DIAPH3: variants seen among roughly 807,000 people sequenced by gnomAD.
DIAPH3 encodes the protein diaphanous related formin 3.
A neutral mutation model predicts 144.3 loss-of-function variants in DIAPH3; 117 were observed. The observed-to-expected ratio is 0.81, with a 90% CI of 0.70 to 0.95. The LOEUF (loss-of-function observed/expected upper bound fraction) is 0.95. DIAPH3 is among the 40% of genes least tolerant of loss of function. DIAPH3 has a pLI of 0.00. For synonymous variants in DIAPH3, 519 were observed against 488.9 expected, an observed-to-expected ratio of 1.06 and a Z score of -0.81; for missense variants, 1,421 against 1,412.7, an observed-to-expected ratio of 1.01 and a Z score of -0.09.
intron 5 of DIAPH3, among the ~76,000 whole-genome samples, chr13:60,024,864 T>C (rs918663967): frequency 6.6e-6 from 1 of 152,176 alleles, no homozygotes; most frequent in Non-Finnish European, 1.5e-5. Flanking sequence ...ATCTAGGTAC[T>C]CCCTGATGGA....
intron 4 of DIAPH3, among the ~76,000 whole-genome samples, chr13:60,051,167 G>C (rs534388073): frequency 4.6e-5 from 7 of 151,898 alleles, no homozygotes; most frequent in Non-Finnish European, 8.8e-5. Context: ...CTGTAAAGGG[G>C]AAAAAAGAAC....
At chr13:59,875,829 C>T (rs913895506) in intron 21 of DIAPH3, among the ~76,000 whole-genome samples, 9 of 152,220 alleles carry the variant, frequency 5.9e-5, no homozygotes, top group African/African-American at 2.2e-4. Flanking sequence ...GAAAGCAAAT[C>T]CTTTTCTCTC....
intron 5 of DIAPH3, among the ~76,000 whole-genome samples, chr13:60,023,385 G>A (rs1165345485): frequency 2.0e-5 from 3 of 151,442 alleles, no homozygotes; most frequent in Admixed American, 6.6e-5. Context: ...CATGAAATTC[G>A]CAATTTGGGC....
At chr13:59,869,474 C>A (rs531111861) in intron 21 of DIAPH3, among the ~76,000 whole-genome samples, 1 of 152,254 alleles carries the variant, frequency 6.6e-6, no homozygotes, top group East Asian at 1.9e-4. Flanking sequence ...GTCAGTTACC[C>A]ATATACCGGA....
chr13:59,938,346 G>A (rs1238594164), intron 17 of DIAPH3, among the ~76,000 whole-genome samples: 1 of 152,120 alleles, frequency 6.6e-6, no homozygotes, highest in African/African-American at 2.4e-5. Flanking sequence ...CAGTGGCACA[G>A]GCCTGTAATC....
intron 5 of DIAPH3, among the ~76,000 whole-genome samples, chr13:60,023,850 C>CTTTTTTTTTTTT (rs35707483): frequency 1.5e-5 from 1 of 68,874 alleles, no homozygotes; most frequent in Non-Finnish European, 2.5e-5. Flanking sequence ...ACTATTCAGC[C>CTTTTTTTTTTTT]TTTTTTTTTT....
intron 2 of DIAPH3, among the ~76,000 whole-genome samples, chr13:60,125,771 T>G (rs1295183123): frequency 2.6e-5 from 4 of 152,136 alleles, no homozygotes; most frequent in Admixed American, 6.5e-5. Flanking sequence ...TGTAGATAGA[T>G]CACTCTGATA....
chr13:60,010,821 C>T, intron 7 of DIAPH3, 152 bp from the exon 8 acceptor site: 1 of 779,072 alleles, frequency 1.3e-6, no homozygotes, highest in Non-Finnish European at 2.0e-6. Context: ...CTAAAAAGTT[C>T]ATGGCTGGGC....
At chr13:59,825,626 G>A (rs1934984877) in intron 24 of DIAPH3, among the ~76,000 whole-genome samples, 1 of 152,266 alleles carries the variant, frequency 6.6e-6, no homozygotes, top group Non-Finnish European at 1.5e-5. Flanking sequence ...CTTCCACAAT[G>A]GTTGAACTAG....
At chr13:60,147,223 T>C (rs1382290507) in intron 1 of DIAPH3, 2 of 152,230 alleles carry the variant, frequency 1.3e-5, no homozygotes, top group East Asian at 3.8e-4. Context: ...TCTCAGCATG[T>C]GTCTTCAACT....
chr13:59,796,604 A>G (rs901228161), intron 25 of DIAPH3, among the ~76,000 whole-genome samples: 1 of 152,238 alleles, frequency 6.6e-6, no homozygotes, highest in Admixed American at 6.5e-5. Flanking sequence ...ACATACACAC[A>G]TATGTGCATA....
intron 17 of DIAPH3, among the ~76,000 whole-genome samples, chr13:59,943,112 G>A (rs749350208): frequency 2.0e-5 from 3 of 152,078 alleles, no homozygotes; most frequent in Non-Finnish European, 2.9e-5. Flanking sequence ...ATTTAACACC[G>A]TTAGCACATT....
chr13:60,073,170 G>T (rs948246014), intron 4 of DIAPH3, among the ~76,000 whole-genome samples: 1 of 152,166 alleles, frequency 6.6e-6, no homozygotes, highest in East Asian at 1.9e-4. Flanking sequence ...TTAGCCGGGC[G>T]TGGTGGCAGG....
intron 2 of DIAPH3, among the ~76,000 whole-genome samples, chr13:60,116,152 T>C (rs1008647957): frequency 2.0e-5 from 3 of 152,116 alleles, no homozygotes; most frequent in African/African-American, 4.8e-5. Context: ...CAGTTGTCTA[T>C]TAGATGTTGG....
Position 59,947,733 on chromosome 13 carries a change from TA to T in DIAPH3, c.2074+22210del, listed in dbSNP as rs531684302. On this transcript the variant is annotated intron_variant, in intron 17 of 27. Transcript: ENST00000400324. ...GGGCAACAGAGCAAGACTCTGTATT[TA>T]AAAAAAAAAAACAAACAAACCACAA... Among the ~76,000 whole-genome samples the T allele has an allele frequency of 3.0e-3, 433 of 144,202 alleles. 3 individuals carry two copies. The highest frequency in any genetic ancestry group is 8.8e-3 in the African/African-American group (349 of 39,618). 94.6% of individuals were successfully genotyped at this position (144,202 alleles called of 152,430 possible). A position where few individuals can be genotyped will look rare whatever the true frequency, so the allele number is the denominator to read the frequency against.
chr13:59,785,567 G>GC (rs2038992877), intron 25 of DIAPH3, among the ~76,000 whole-genome samples: 1 of 152,016 alleles, frequency 6.6e-6, no homozygotes, highest in South Asian at 2.1e-4. Flanking sequence ...TTAGCACAGT[G>GC]CCCCCCATAT....
At chr13:60,084,059 TAGAA>T (rs952997556) in intron 4 of DIAPH3, among the ~76,000 whole-genome samples, 134 of 145,626 alleles carry the variant, frequency 9.2e-4, no homozygotes, top group African/African-American at 3.0e-3. Context: ...GATAGATAGA[TAGAA>T]AGAATAAACT....
chr13:59,933,678 T>A (rs377537835), intron 17 of DIAPH3, among the ~76,000 whole-genome samples: 3 of 152,326 alleles, frequency 2.0e-5, no homozygotes, highest in African/African-American at 7.2e-5. Context: ...AGAAGATTAA[T>A]ACCGTTCAAA....
chr13:59,872,538 G>T (rs919429707), intron 21 of DIAPH3, among the ~76,000 whole-genome samples: 5 of 152,138 alleles, frequency 3.3e-5, no homozygotes, highest in African/African-American at 9.7e-5. Context: ...ATGTTCATAA[G>T]TACCAATGGC....
Sources: allele counts gnomAD v4.1 joint callset (sites outside exome capture counted in the v4.1 genomes callset), GRCh38; gene constraint gnomAD v4.1.1; transcripts MANE v1.5; gene names NCBI Gene and HGNC (gene_info 2026-07-23, HGNC 2026-07-21).